Variants in NAALADL2 observed in about 807,000 individuals in gnomAD.
NAALADL2 encodes N-acetylated alpha-linked acidic dipeptidase like 2.
Under a neutral mutation model 87.2 loss-of-function variants are expected in NAALADL2, and 76 were observed. The ratio of observed to expected loss-of-function variants is 0.87; its 90% CI spans 0.72 to 1.05. The LOEUF is 1.05. NAALADL2 is among the 50% of genes least tolerant of loss of function. The pLI is 0.00. For synonymous variants in NAALADL2, 354 were observed against 331.0 expected, an observed-to-expected ratio of 1.07 and a Z score of -0.75; for missense variants, 1,089 against 945.8, an observed-to-expected ratio of 1.15 and a Z score of -1.99.
At chr3:175,205,968 T>C (rs1740778066) in intron 2 of NAALADL2, among the ~76,000 whole-genome samples, 1 of 151,544 alleles carries the variant, frequency 6.6e-6, no homozygotes, top group South Asian at 2.1e-4. Flanking sequence ...GAGGATACAG[T>C]GATCAGGGAA....
At chr3:175,709,567 G>C (rs899539570) in intron 11 of NAALADL2, among the ~76,000 whole-genome samples, 1 of 152,110 alleles carries the variant, frequency 6.6e-6, no homozygotes, top group African/African-American at 2.4e-5. Flanking sequence ...CAGTTGCGTA[G>C]GCTTATATGA....
At chr3:175,345,915 A>G (rs1763105291) in intron 5 of NAALADL2, among the ~76,000 whole-genome samples, 1 of 152,152 alleles carries the variant, frequency 6.6e-6, no homozygotes, top group South Asian at 2.1e-4. Flanking sequence ...ATTGAACCAA[A>G]TACTGTCTTT....
At position 175,730,444 on chromosome 3, in the gene NAALADL2, A is replaced by G. The variant is rs1304833177; in HGVS notation, c.1897-6862A>G. ...TATATATATATATATATATATATAT[A>G]CACACATACACACGCACACACACAC... On this transcript the variant is annotated intron_variant, in intron 11 of 13. Transcript: ENST00000454872. 3.0e-4 allele frequency among the ~76,000 whole-genome samples: 23 copies of G among 76,772 alleles called. 1 individual carries two copies. Among genetic ancestry groups the G allele is most frequent in the Admixed American group, 1.0e-3 (8 of 7,738 alleles). 50.4% of individuals were successfully genotyped at this position (76,772 alleles called of 152,430 possible).
chr3:175,167,400 G>T (rs531697482), intron 2 of NAALADL2, among the ~76,000 whole-genome samples: 1 of 152,108 alleles, frequency 6.6e-6, no homozygotes, highest in Non-Finnish European at 1.5e-5. Context: ...CAAATGTGTG[G>T]CTTCCAAAGC....
At chr3:174,653,586 G>A (rs1269316431) in intron 2 of NAALADL2, among the ~76,000 whole-genome samples, 1 of 152,092 alleles carries the variant, frequency 6.6e-6, no homozygotes. Flanking sequence ...TTAGCACAGA[G>A]GTAATTTTTG....
At chr3:175,802,752 G>A (rs1363827454) in intron 13 of NAALADL2, among the ~76,000 whole-genome samples, 1 of 149,666 alleles carries the variant, frequency 6.7e-6, no homozygotes, top group Non-Finnish European at 1.5e-5. Context: ...TTTTTGTTTC[G>A]TAGTGTTGTG....
intron 5 of NAALADL2, among the ~76,000 whole-genome samples, chr3:175,380,592 C>T (rs1043245006): frequency 2.0e-5 from 3 of 152,030 alleles, no homozygotes; most frequent in Non-Finnish European, 2.9e-5. Flanking sequence ...GAAAATAATA[C>T]AAACTTTTTC....
chr3:175,316,100 T>G (rs1026473497), intron 4 of NAALADL2, among the ~76,000 whole-genome samples: 13 of 152,204 alleles, frequency 8.5e-5, no homozygotes, highest in Admixed American at 7.2e-4. Context: ...AACCAAGGCA[T>G]AGAAAAATTA....
chr3:175,272,486 C>G (rs1752986047), intron 4 of NAALADL2, among the ~76,000 whole-genome samples: 1 of 151,966 alleles, frequency 6.6e-6, no homozygotes, highest in Admixed American at 6.6e-5. Flanking sequence ...ACCCTGATTT[C>G]TGTTAATAGC....
chr3:175,737,166 A>G lies in NAALADL2; in HGVS notation c.1897-140A>G, dbSNP rs1375636323. Reference sequence around the variant, plus strand: ...AATTAAATAAAGATTTAAAAGAAAAAGAGATTTTATAAAACTATATTATTC... The same window carrying G: ...AATTAAATAAAGATTTAAAAGAAAAGGAGATTTTATAAAACTATATTATTC... On this transcript the variant is annotated intron_variant, in intron 11 of 13. Transcript: ENST00000454872. 1.6e-5 allele frequency: 9 copies of G among 553,732 alleles called. No individual in the cohort carries two copies. In the South Asian group the frequency reaches 1.9e-4, roughly 12 times the overall value. 34.3% of individuals were successfully genotyped at this position (553,732 alleles called of 1,614,324 possible). A position where few individuals can be genotyped will look rare whatever the true frequency, so the allele number is the denominator to read the frequency against.
chr3:174,887,663 G>T (rs1730339374), intron 1 of NAALADL2, among the ~76,000 whole-genome samples: 1 of 152,038 alleles, frequency 6.6e-6, no homozygotes, highest in African/African-American at 2.4e-5. Flanking sequence ...CGGGCTTGGT[G>T]GTGCACACCT....
chr3:175,266,698 A>G (rs1751981840), intron 4 of NAALADL2, among the ~76,000 whole-genome samples: 2 of 151,962 alleles, frequency 1.3e-5, no homozygotes, highest in Middle Eastern at 6.8e-3. Flanking sequence ...ATATATAAAC[A>G]TGAGTCATAG....
chr3:175,729,668 C>G (rs1467317772), intron 11 of NAALADL2, among the ~76,000 whole-genome samples: 1 of 152,098 alleles, frequency 6.6e-6, no homozygotes, highest in East Asian at 1.9e-4. Context: ...GACCATGAGT[C>G]ATCCCTACAG....
At chr3:174,482,955 T>A (rs570795963) in intron 1 of NAALADL2, among the ~76,000 whole-genome samples, 1 of 152,110 alleles carries the variant, frequency 6.6e-6, no homozygotes, top group African/African-American at 2.4e-5. Flanking sequence ...TGATCAAGAG[T>A]GATGTGTTAA....
At chr3:175,619,403 A>T (rs544166793) in intron 10 of NAALADL2, among the ~76,000 whole-genome samples, 72 of 152,220 alleles carry the variant, frequency 4.7e-4, no homozygotes, top group Non-Finnish European at 1.5e-4. Flanking sequence ...AAGGAAAAAA[A>T]AATAATCCAT....
chr3:174,885,752 A>G (rs1730014172), intron 1 of NAALADL2, among the ~76,000 whole-genome samples: 1 of 152,078 alleles, frequency 6.6e-6, no homozygotes, highest in African/African-American at 2.4e-5. Flanking sequence ...CTAGAGGGAC[A>G]AAACTAATGG....
At chr3:174,574,624 T>C (rs1393736204) in intron 2 of NAALADL2, among the ~76,000 whole-genome samples, 1 of 152,164 alleles carries the variant, frequency 6.6e-6, no homozygotes, top group African/African-American at 2.4e-5. Context: ...ATATCCATCA[T>C]TCAGATTGAT....
chr3:175,415,862 C>T (rs1004643814), intron 5 of NAALADL2, among the ~76,000 whole-genome samples: 8 of 150,960 alleles, frequency 5.3e-5, no homozygotes, highest in Admixed American at 4.0e-4. Context: ...ACCTGTAATT[C>T]CAGCAATTTG....
At chr3:174,460,991 C>G (rs1345977368) in intron 1 of NAALADL2, among the ~76,000 whole-genome samples, 2 of 152,038 alleles carry the variant, frequency 1.3e-5, no homozygotes, top group African/African-American at 2.4e-5. Context: ...ATGACAGCTT[C>G]AGCTTACTTG....
Sources: allele counts gnomAD v4.1 joint callset (sites outside exome capture counted in the v4.1 genomes callset), GRCh38; gene constraint gnomAD v4.1.1; transcripts MANE v1.5; gene names NCBI Gene and HGNC (gene_info 2026-07-23, HGNC 2026-07-21).